MED27: variants seen among roughly 807,000 people sequenced by gnomAD.
The protein encoded by MED27 is mediator of RNA polymerase II transcription subunit 27.
MED27 carries 30 observed loss-of-function variants against 38.2 expected under a neutral mutation model. That is an observed-to-expected ratio of 0.79 (90% CI 0.59 to 1.07). MED27 has a LOEUF of 1.07. Ranked by LOEUF, MED27 falls within the 50% of genes least tolerant of loss-of-function variation. MED27 has a pLI of 0.00. For missense variants in MED27, 289 were observed against 397.5 expected (o/e 0.73, Z 2.32); for synonymous variants, 122 against 153.5 (o/e 0.79, Z 1.52).
intron 2 of MED27, among the ~76,000 whole-genome samples, chr9:132,032,854 G>A (rs1321368312): frequency 2.0e-5 from 3 of 152,078 alleles, no homozygotes; most frequent in Non-Finnish European, 4.4e-5. Context: ...CTAGTCCCGC[G>A]CTCCACACTA....
Position 131,997,238 on chromosome 9 carries a change from C to G in MED27, c.479+17099G>C, listed in dbSNP as rs1411700194. Among the ~76,000 whole-genome samples the G allele has an allele frequency of 6.6e-6, 1 of 152,128 alleles. No homozygotes were observed. Among genetic ancestry groups the G allele is most frequent in the Admixed American group, 6.5e-5 (1 of 15,276 alleles). ...GCTTAGCCATCTAGTAATAGTATCA[C>G]AGCTGATGAAGATCAGGGTAGACAA... On this transcript the variant is annotated intron_variant, in intron 3 of 7. Coordinates refer to ENST00000292035, the MANE Select transcript of MED27 (RefSeq NM_004269.4). This position sits in a 1 kb window ranked among gnomAD's most constrained non-coding sequence, Gnocchi z 4.0.
chr9:131,947,938 G>C (rs1357081757), intron 3 of MED27, among the ~76,000 whole-genome samples: 1 of 152,220 alleles, frequency 6.6e-6, no homozygotes, highest in East Asian at 1.9e-4. Flanking sequence ...AATGATTTAA[G>C]ATTTTCCTCT....
In MED27 at chr9:131,997,529, G is replaced by C. The variant is rs10901119; in HGVS notation, c.479+16808C>G. 0.17 allele frequency among the ~76,000 whole-genome samples: 25,137 copies of C among 152,192 alleles called. 2,172 individuals are homozygous for C. The highest frequency in any genetic ancestry group is 0.31 in the East Asian group (1,620 of 5,180). On this transcript the variant is annotated intron_variant, in intron 3 of 7. Coordinates refer to ENST00000292035, the MANE Select transcript of MED27 (RefSeq NM_004269.4). The surrounding 1 kb of genome is among the most constrained non-coding windows in gnomAD (Gnocchi z 4.0). ...CCCTGGGTTGACCGAGGCGTTGCCA[G>C]CCCTGCACTGTAGGCTGCCATCTCC...
chr9:131,904,537 A>AT (rs1406276432), intron 4 of MED27, among the ~76,000 whole-genome samples: 1 of 128,252 alleles, frequency 7.8e-6, no homozygotes, highest in African/African-American at 3.5e-5. Flanking sequence ...TTAAATAGAG[A>AT]TCGGGGGGGA....
chr9:132,025,306 G>A (rs1032217841), intron 2 of MED27, among the ~76,000 whole-genome samples: 5 of 151,734 alleles, frequency 3.3e-5, no homozygotes, highest in East Asian at 1.9e-4. Flanking sequence ...GCTCAGCCTC[G>A]CGAGTTGCTG....
rs184751410 is a variant in MED27 at position 131,936,090 on chromosome 9, G to A, written c.573+3291C>T. 3.0e-3 allele frequency among the ~76,000 whole-genome samples: 444 copies of A among 148,010 alleles called. 5 individuals carry two copies. The highest frequency in any genetic ancestry group is 0.01 in the African/African-American group (407 of 39,590). ...TGAGGCTGCAATGAGCTGTGATCAC[G>A]CCACTGCACTCCAGCCTGGGTGACA... is the stretch of plus-strand genomic sequence containing the variant. On this transcript the variant is annotated intron_variant, in intron 4 of 7. Transcript: ENST00000292035.
At chr9:132,016,820 G>A (rs942843028) in intron 2 of MED27, among the ~76,000 whole-genome samples, 5 of 152,098 alleles carry the variant, frequency 3.3e-5, no homozygotes, top group African/African-American at 7.2e-5. Context: ...TTGCCCACCC[G>A]GCATCATTTT....
intron 4 of MED27, among the ~76,000 whole-genome samples, chr9:131,920,194 C>T (rs1465227306): frequency 1.3e-5 from 2 of 152,154 alleles, no homozygotes; most frequent in Non-Finnish European, 2.9e-5. Context: ...TCTTGCCCCA[C>T]CCACCATGAC....
intron 3 of MED27, among the ~76,000 whole-genome samples, chr9:131,954,850 G>A (rs139914676): frequency 3.3e-4 from 50 of 152,196 alleles, no homozygotes; most frequent in African/African-American, 1.2e-3. Context: ...TCATCCAGAA[G>A]ACATAACAAT....
In MED27 at chr9:131,997,968, T is replaced by C. The variant is rs538955623; in HGVS notation, c.479+16369A>G. Among the ~76,000 whole-genome samples, 1 of 152,358 alleles carries C rather than the reference T, an allele frequency of 6.6e-6. No homozygotes were observed. Among genetic ancestry groups the C allele is most frequent in the Non-Finnish European group, 1.5e-5 (1 of 68,026 alleles). On this transcript the variant is annotated intron_variant, in intron 3 of 7. Transcript: ENST00000292035. The surrounding 1 kb of genome is among the most constrained non-coding windows in gnomAD (Gnocchi z 4.0). ...GAGTCTATAAATCTGGGCTCATTTGTAGAACAGAAATATCTGTTCCCACTG... is the reference window on the plus strand; with the variant it reads ...GAGTCTATAAATCTGGGCTCATTTGCAGAACAGAAATATCTGTTCCCACTG...
rs12351056 is a variant in MED27 at position 131,872,374 on chromosome 9, C to T, written c.724-9234G>A. ...TAGAAGAGCGGGCGCCTCTACTATT[C>T]GGAGTATTTCCTCACAAGATTAGTA... On this transcript the variant is annotated intron_variant, in intron 6 of 7. Coordinates refer to ENST00000292035, the MANE Select transcript of MED27 (RefSeq NM_004269.4). This position sits in a 1 kb window ranked among gnomAD's most constrained non-coding sequence, Gnocchi z 5.6. 0.023 allele frequency among the ~76,000 whole-genome samples: 3,521 copies of T among 152,288 alleles called. 150 individuals carry two copies. Among genetic ancestry groups the T allele is most frequent in the African/African-American group, 0.08 (3,322 of 41,546 alleles).
intron 2 of MED27, among the ~76,000 whole-genome samples, chr9:132,061,651 C>T (rs958346159): frequency 6.6e-6 from 1 of 152,208 alleles, no homozygotes; most frequent in African/African-American, 2.4e-5. Flanking sequence ...AGCTGAACAA[C>T]GTCACCAGTT....
At chr9:132,079,498 G>A (rs560172809) in intron 1 of MED27, 144 bp downstream of exon 1, 1 of 738,700 alleles carries the variant, frequency 1.4e-6, no homozygotes, top group East Asian at 2.6e-5. Context: ...CTGAGGGACA[G>A]GCAGAGGCTT....
chr9:131,928,271 G>A (rs1419148793), intron 4 of MED27, among the ~76,000 whole-genome samples: 1 of 152,030 alleles, frequency 6.6e-6, no homozygotes, highest in East Asian at 1.9e-4. Flanking sequence ...CTGTGGCTTG[G>A]GCTAACACTT....
In MED27 at chr9:132,059,094, G is replaced by A. The variant is rs138960404; in HGVS notation, c.348+18348C>T. On this transcript the variant is annotated intron_variant, in intron 2 of 7. Transcript: ENST00000292035. Reference sequence around the variant, plus strand: ...CTGGAAAGAAGCAGCAGCAGCAGTCGGCTACAGACTCACACTACTTAGCAG... The same window carrying A: ...CTGGAAAGAAGCAGCAGCAGCAGTCAGCTACAGACTCACACTACTTAGCAG... Among the ~76,000 whole-genome samples the A allele has an allele frequency of 5.3e-5, 8 of 152,226 alleles. No individual in the cohort carries two copies. In the East Asian group the frequency reaches 5.8e-4, roughly 11 times the overall value.
chr9:131,922,503 C>T (rs1317128457), intron 4 of MED27, among the ~76,000 whole-genome samples: 4 of 150,898 alleles, frequency 2.7e-5, no homozygotes, highest in East Asian at 1.9e-4. Flanking sequence ...TGCAGTGGCA[C>T]GATCTTGCCT....
At chr9:131,901,202 G>C (rs545704429) in intron 4 of MED27, among the ~76,000 whole-genome samples, 5 of 152,196 alleles carry the variant, frequency 3.3e-5, no homozygotes, top group Non-Finnish European at 7.3e-5. Context: ...ACAATATTGA[G>C]AACTTTTCTC....
In MED27 at chr9:131,967,818, AT is replaced by A. The variant is rs144420414; in HGVS notation, c.480-28345del. On this transcript the variant is annotated intron_variant, in intron 3 of 7. Transcript: ENST00000292035. ...GAGCCACTGTGCCCAGCCTCTCATG[AT>A]TTTTTTTTTTTTTTTTTGAGACGGA... Among the ~76,000 whole-genome samples, 699 of 112,884 alleles carry A rather than the reference AT, an allele frequency of 6.2e-3. 6 individuals are homozygous for A. The highest frequency in any genetic ancestry group is 0.018 in the African/African-American group (507 of 28,928). 74.1% of individuals were successfully genotyped at this position (112,884 alleles called of 152,430 possible).
intron 3 of MED27, among the ~76,000 whole-genome samples, chr9:132,004,793 T>C (rs540649514): frequency 6.5e-4 from 99 of 152,142 alleles, no homozygotes; most frequent in Non-Finnish European, 1.1e-3. Flanking sequence ...GTCCAGAACA[T>C]GCTGTGAAAG....
Sources: gnomAD v4.1 joint callset for allele counts (sites outside exome capture counted in the v4.1 genomes callset) on GRCh38, gnomAD v4.1.1 for gene constraint, Gnocchi (gnomAD v3.1) non-coding constraint, MANE v1.5 for transcripts, NCBI Gene and HGNC (gene_info 2026-07-23, HGNC 2026-07-21) for gene names.